MAN2A2: variants seen among roughly 807,000 people sequenced by gnomAD.
MAN2A2 encodes the protein mannosidase alpha class 2A member 2.
MAN2A2 carries 79 observed loss-of-function variants against 126.8 expected under a neutral mutation model. The observed-to-expected ratio is 0.62, with a 90% CI of 0.52 to 0.75. The LOEUF (loss-of-function observed/expected upper bound fraction) is 0.75, where lower values mean the gene tolerates loss of function less well. Among genes scored for constraint, MAN2A2 ranks in the 30% least tolerant of loss-of-function variants. The pLI is 0.00. For synonymous variants in MAN2A2, 671 were observed against 618.7 expected (o/e 1.08, Z -1.25); for missense variants, 1,392 against 1,522.4 (o/e 0.91, Z 1.43).
At chr15:90,913,177 G>T in intron 17 of MAN2A2, 96 bp from the exon 18 acceptor site, 2 of 1,474,092 alleles carry the variant, frequency 1.4e-6, no homozygotes, top group South Asian at 1.3e-5. Flanking sequence ...GTTGGACAGA[G>T]CCTCTCCCCA....
chr15:90,910,067 G>T (rs767132244), intron 9 of MAN2A2, 23 bp from the exon 10 acceptor site: 32 of 1,598,138 alleles, frequency 2.0e-5, no homozygotes, highest in Middle Eastern at 2.0e-4. Flanking sequence ...ACTGATGGGA[G>T]TGGGTTTTTG....
chr15:90,916,469 G>A, intron 20 of MAN2A2: 2 of 1,133,056 alleles, frequency 1.8e-6, no homozygotes, highest in Non-Finnish European at 2.5e-6. Context: ...TCTGTCACCT[G>A]TGCCCCTCAT....
At position 90,918,269 on chromosome 15, in the gene MAN2A2, C is replaced by G. The variant is rs749845652; in HGVS notation, c.3070C>G (p.Leu1024Val). The change falls in exon 21 of 23, where the codon CTC (leucine) becomes GTC (valine). Residue 1024 changes from leucine to valine, a missense_variant. Coordinates refer to ENST00000559717, the MANE Select transcript of MAN2A2 (RefSeq NM_006122.4). ...CTCCATGTACCTGAACGCCCCGGCG[C>G]TCGCTCTGCCTGTAGCCAGGATGCA... ...LTSMYLNAPA[L>V]ALPVARMQLP... 1 of 1,614,230 alleles carries G rather than the reference C, an allele frequency of 6.2e-7. No individual in the cohort carries two copies. The highest frequency in any genetic ancestry group is 8.5e-7 in the Non-Finnish European group (1 of 1,180,034).
chr15:90,908,810 A>C (rs771402486), intron 8 of MAN2A2, among the ~76,000 whole-genome samples: 3 of 152,160 alleles, frequency 2.0e-5, no homozygotes, highest in Non-Finnish European at 4.4e-5. Context: ...TCCTGACCTC[A>C]GGTGATCTGC....
chr15:90,912,650 G>T lies in MAN2A2; in HGVS notation c.2455G>T (p.Asp819Tyr). The change falls in exon 16 of 23, where the codon GAT (aspartate) becomes TAT (tyrosine). Residue 819 changes from aspartate to tyrosine, a missense_variant. Transcript: ENST00000559717. ...DKSGAYLFLP[D>Y]GEAKPYVPKE... ...GAGTGGAGCCTACCTCTTCCTGCCC[G>T]ATGGCGAGGCCAAGGTATCCTAAAG... 1 of 1,614,124 alleles carries T rather than the reference G, an allele frequency of 6.2e-7. No individual in the cohort carries two copies.
intron 19 of MAN2A2, among the ~76,000 whole-genome samples, chr15:90,914,962 C>T (rs891101259): frequency 6.6e-6 from 1 of 152,198 alleles, no homozygotes; most frequent in African/African-American, 2.4e-5. Context: ...GCATCTGAGG[C>T]CCTTGAGATC....
At chr15:90,916,010 T>G (rs760684308) in intron 19 of MAN2A2, 113 bp from the exon 20 acceptor site, 2 of 1,242,780 alleles carry the variant, frequency 1.6e-6, no homozygotes, top group Admixed American at 4.5e-5. Context: ...ACTCAGCTTC[T>G]GTCTCTCGAG....
chr15:90,905,751 T>C (rs1440411119), intron 4 of MAN2A2, 28 bp downstream of exon 4: 1 of 1,611,188 alleles, frequency 6.2e-7, no homozygotes, highest in Admixed American at 1.7e-5. Context: ...TCCTGGGAGC[T>C]GGAGTGTGGA....
intron 22 of MAN2A2, among the ~76,000 whole-genome samples, chr15:90,919,328 C>T (rs182600618): frequency 6.6e-6 from 1 of 152,350 alleles, no homozygotes; most frequent in African/African-American, 2.4e-5. Flanking sequence ...CAACCCCCGC[C>T]TCCTGGTTCA....
Position 90,919,891 on chromosome 15 carries a change from G to T in MAN2A2, c.*104G>T. On this transcript the variant is annotated 3_prime_UTR_variant, in exon 23 of 23. Transcript: ENST00000559717. ...GTATCCCATCCCGATCTGCCTCCCA[G>T]AACTGTGACACACTGGGCTCTGCCC... 2 of 1,351,558 alleles carry T rather than the reference G, an allele frequency of 1.5e-6. No homozygotes were observed. The highest frequency in any genetic ancestry group is 1.3e-5 in the South Asian group (1 of 76,142). 83.7% of individuals were successfully genotyped at this position (1,351,558 alleles called of 1,614,324 possible). A position where few individuals can be genotyped will look rare whatever the true frequency, so the allele number is the denominator to read the frequency against.
intron 1 of MAN2A2, chr15:90,903,934 C>T (rs1267680366): frequency 4.0e-6 from 2 of 495,538 alleles, no homozygotes; most frequent in Non-Finnish European, 7.4e-6. Context: ...GTGGTGCGCT[C>T]CAGTCGGAGC....
chr15:90,911,875 A>C, intron 14 of MAN2A2, 168 bp from the exon 15 acceptor site: 1 of 674,182 alleles, frequency 1.5e-6, no homozygotes, highest in Non-Finnish European at 2.6e-6. Context: ...GAGAATCATA[A>C]AGTCTGATGA....
At chr15:90,904,063 GC>G (rs2034048881) in intron 1 of MAN2A2, 126 bp from the exon 2 acceptor site, 8 of 1,021,068 alleles carry the variant, frequency 7.8e-6, no homozygotes, top group Non-Finnish European at 1.2e-5. Flanking sequence ...TGCTGCTTGT[GC>G]TACTTGGAGC....
In MAN2A2 at chr15:90,912,752, C is replaced by T. The variant is rs115406119; in HGVS notation, c.2469+88C>T. ...CAGGTTTATTGCTGCCTGCCAGGGGCCTTGTCTTTCCTGTTCAGCCCAGGG... is the reference window on the plus strand; with the variant it reads ...CAGGTTTATTGCTGCCTGCCAGGGGTCTTGTCTTTCCTGTTCAGCCCAGGG... On this transcript the variant is annotated intron_variant, in intron 16 of 22. Transcript: ENST00000559717. The T allele has an allele frequency of 1.7e-3, 2,634 of 1,587,488 alleles. 35 individuals are homozygous for T. In the African/African-American group the frequency reaches 0.032, roughly 19 times the overall value.
rs1345055479 is a variant in MAN2A2 at position 90,910,152 on chromosome 15, A to T, written c.1437A>T (p.Pro479=). Residue 479 remains proline, a synonymous_variant, in exon 10 of 23, where the codon CCA becomes CCT. Transcript: ENST00000559717. ...DALYKRTGVE[P]GARPPGFPVL... Reference sequence around the variant, plus strand: ...TGTACAAGAGGACAGGGGTGGAGCCAGGGGCCCGGCCTCCAGGGTTTCCTG... The same window carrying T: ...TGTACAAGAGGACAGGGGTGGAGCCTGGGGCCCGGCCTCCAGGGTTTCCTG... 2.5e-6 allele frequency: 4 copies of T among 1,614,066 alleles called. No homozygotes were observed. Among genetic ancestry groups the T allele is most frequent in the Non-Finnish European group, 3.4e-6 (4 of 1,179,996 alleles).
Position 90,911,258 on chromosome 15 carries a change from G to A in MAN2A2, c.1943+20G>A, listed in dbSNP as rs1270846148. On this transcript the variant is annotated intron_variant, in intron 13 of 22. Transcript: ENST00000559717. Reference sequence around the variant, plus strand: ...GCCCAGGTAACCTGGACTACGCCATGTGCAGAGAGGCAGAGCCATTCCCTG... The same window carrying A: ...GCCCAGGTAACCTGGACTACGCCATATGCAGAGAGGCAGAGCCATTCCCTG... 1.2e-6 allele frequency: 2 copies of A among 1,613,840 alleles called. No individual in the cohort carries two copies. The highest frequency in any genetic ancestry group is 8.5e-7 in the Non-Finnish European group (1 of 1,179,944).
intron 9 of MAN2A2, 144 bp from the exon 10 acceptor site, chr15:90,909,946 A>T: frequency 1.4e-6 from 1 of 708,068 alleles, no homozygotes; most frequent in Non-Finnish European, 2.3e-6. Context: ...AGGCTCCCCT[A>T]CTTCTGTTAA....
chr15:90,915,551 G>A (rs1453926403), intron 19 of MAN2A2: 2 of 152,374 alleles, frequency 1.3e-5, no homozygotes, highest in African/African-American at 4.8e-5. Flanking sequence ...CTTAATATGA[G>A]CCTCTGCCTG....
Position 90,916,546 on chromosome 15 carries a change from T to C in MAN2A2, c.2994+290T>C, listed in dbSNP as rs1053003299. On this transcript the variant is annotated intron_variant, in intron 20 of 22. Coordinates refer to ENST00000559717, the MANE Select transcript of MAN2A2 (RefSeq NM_006122.4). The stretch of plus-strand genomic sequence containing the variant: ...GTCCCAGCATTCTCTAAGCCTGTGC[T>C]CCAACCCCGCTCATCTCATGGCTTT... 9 of 1,412,536 alleles carry C rather than the reference T, an allele frequency of 6.4e-6. No homozygotes were observed. The East Asian group carries it at 1.4e-4, about 21-fold the overall frequency. The allele number at this position is 1,412,536 out of a possible 1,614,324, so 87.5% of individuals were successfully genotyped here. A position where few individuals can be genotyped will look rare whatever the true frequency, so the allele number is the denominator to read the frequency against.
Sources: gnomAD v4.1 joint callset for allele counts (sites outside exome capture counted in the v4.1 genomes callset) on GRCh38, gnomAD v4.1.1 for gene constraint, MANE v1.5 for transcripts, NCBI Gene and HGNC (gene_info 2026-07-23, HGNC 2026-07-21) for gene names.